NR6A1: variants seen among roughly 807,000 people sequenced by gnomAD.
NR6A1 encodes nuclear receptor subfamily 6 group A member 1, also known as retinoic acid receptor-related testis-associated receptor.
In NR6A1, 7 loss-of-function variants were observed where a neutral mutation model predicts 59.1. The ratio of observed to expected loss-of-function variants is 0.12; its 90% CI spans 0.07 to 0.22. NR6A1 has a LOEUF of 0.22. NR6A1 is among the 10% of genes least tolerant of loss of function. The pLI is 1.00. For missense variants in NR6A1, 468 were observed against 611.6 expected (o/e 0.77, Z 2.48); for synonymous variants, 243 against 236.1 (o/e 1.03, Z -0.27).
At chr9:124,631,008 A>G (rs565246486) in intron 2 of NR6A1, among the ~76,000 whole-genome samples, 134 of 152,288 alleles carry the variant, frequency 8.8e-4, no homozygotes, top group Non-Finnish European at 1.4e-3. Flanking sequence ...CTCACATAAA[A>G]TAAGAATACC....
chr9:124,544,388 G>T (rs1195176819), intron 3 of NR6A1, among the ~76,000 whole-genome samples: 4 of 152,040 alleles, frequency 2.6e-5, no homozygotes, highest in Non-Finnish European at 1.5e-5. Context: ...CATTTACTAA[G>T]TATAAAAAGC....
At chr9:124,759,271 G>C (rs1300366710) in intron 1 of NR6A1, among the ~76,000 whole-genome samples, 9 of 152,142 alleles carry the variant, frequency 5.9e-5, no homozygotes, top group Non-Finnish European at 8.8e-5. Context: ...TTCCTAAACT[G>C]CATTCCCGAA....
intron 2 of NR6A1, among the ~76,000 whole-genome samples, chr9:124,581,492 T>C (rs1398913471): frequency 6.6e-6 from 1 of 152,042 alleles, no homozygotes; most frequent in Non-Finnish European, 1.5e-5. Context: ...CTCGGGAGGC[T>C]GACACAGGAG....
chr9:124,659,143 T>G (rs931220967), intron 2 of NR6A1, among the ~76,000 whole-genome samples: 1 of 152,182 alleles, frequency 6.6e-6, no homozygotes, highest in Non-Finnish European at 1.5e-5. Flanking sequence ...TTGTGCCGCC[T>G]GGGGCGGTGG....
At chr9:124,538,760 G>A (rs955412125) in intron 5 of NR6A1, among the ~76,000 whole-genome samples, 1 of 152,048 alleles carries the variant, frequency 6.6e-6, no homozygotes, top group Non-Finnish European at 1.5e-5. Flanking sequence ...CCCGGCATGT[G>A]GCAACAACCC....
chr9:124,757,852 T>A (rs566139767), intron 1 of NR6A1, among the ~76,000 whole-genome samples: 1 of 152,352 alleles, frequency 6.6e-6, no homozygotes, highest in African/African-American at 2.4e-5. Flanking sequence ...GGAGTCCTTA[T>A]CTATGCTCTG....
At chr9:124,664,818 C>T (rs914372546) in intron 2 of NR6A1, among the ~76,000 whole-genome samples, 2 of 151,864 alleles carry the variant, frequency 1.3e-5, no homozygotes, top group African/African-American at 4.8e-5. Flanking sequence ...ATATTACCTG[C>T]CTTCATGGAG....
chr9:124,740,342 C>G (rs975487394), intron 1 of NR6A1, among the ~76,000 whole-genome samples: 2 of 152,152 alleles, frequency 1.3e-5, no homozygotes, highest in Non-Finnish European at 2.9e-5. Context: ...AAGAAAAAGA[C>G]TGGTTTCAAA....
At chr9:124,745,426 C>T (rs1249493807) in intron 1 of NR6A1, among the ~76,000 whole-genome samples, 1 of 152,164 alleles carries the variant, frequency 6.6e-6, no homozygotes, top group Non-Finnish European at 1.5e-5. Flanking sequence ...AATCCCAGCA[C>T]TTTGGGAGGC....
intron 2 of NR6A1, 103 bp from the exon 3 acceptor site, chr9:124,554,673 C>G: frequency 6.8e-7 from 1 of 1,479,366 alleles, no homozygotes. Flanking sequence ...ACCACTATCT[C>G]CAGGCTAAAG....
At chr9:124,584,665 A>G (rs1161026076) in intron 2 of NR6A1, among the ~76,000 whole-genome samples, 1 of 152,122 alleles carries the variant, frequency 6.6e-6, no homozygotes, top group Non-Finnish European at 1.5e-5. Context: ...AAAATGTTGT[A>G]TGTGTTCTGA....
In NR6A1 at chr9:124,694,589, T is replaced by A. The variant is rs185308653; in HGVS notation, c.142+38719A>T. ...GATGTACATTTTTCTTAACAAAAAA[T>A]TTAAATGTAGTATCAACTCTCTAAA... On this transcript the variant is annotated intron_variant, in intron 2 of 9. Coordinates refer to ENST00000487099, the MANE Select transcript of NR6A1 (RefSeq NM_033334.4). Among the ~76,000 whole-genome samples the A allele has an allele frequency of 2.1e-4, 32 of 152,306 alleles. No individual in the cohort carries two copies. In the East Asian group the frequency reaches 5.6e-3, roughly 27 times the overall value.
chr9:124,698,044 A>T (rs567062985), intron 2 of NR6A1, among the ~76,000 whole-genome samples: 7 of 152,212 alleles, frequency 4.6e-5, no homozygotes, highest in Non-Finnish European at 8.8e-5. Context: ...GGAGACAAAA[A>T]GCAGACAGGA....
chr9:124,721,316 G>C (rs1046731526), intron 2 of NR6A1, among the ~76,000 whole-genome samples: 2 of 152,152 alleles, frequency 1.3e-5, no homozygotes, highest in African/African-American at 4.8e-5. Flanking sequence ...AGGTCAAGGG[G>C]ATGAGAGTTC....
intron 2 of NR6A1, among the ~76,000 whole-genome samples, chr9:124,689,047 A>G (rs75085946): frequency 0.01 from 1,568 of 152,332 alleles, 25 homozygotes; most frequent in African/African-American, 0.036. Flanking sequence ...TAAAACACAT[A>G]TATGTACACA....
chr9:124,590,248 T>TA (rs1473623026), intron 2 of NR6A1, among the ~76,000 whole-genome samples: 1 of 152,012 alleles, frequency 6.6e-6, no homozygotes, highest in Non-Finnish European at 1.5e-5. Context: ...TTCAGGCCTC[T>TA]AATTTTACCA....
At chr9:124,717,621 T>TA (rs1387309761) in intron 2 of NR6A1, among the ~76,000 whole-genome samples, 1 of 152,268 alleles carries the variant, frequency 6.6e-6, no homozygotes, top group Non-Finnish European at 1.5e-5. Flanking sequence ...AAATGTTCTG[T>TA]ATCTTGATAG....
chr9:124,694,466 C>T (rs189127742), intron 2 of NR6A1, among the ~76,000 whole-genome samples: 2 of 152,242 alleles, frequency 1.3e-5, no homozygotes, highest in East Asian at 3.9e-4. Context: ...TTCAGATGTA[C>T]ATCAATATTC....
chr9:124,708,709 T>C (rs1839199173), intron 2 of NR6A1, among the ~76,000 whole-genome samples: 1 of 152,204 alleles, frequency 6.6e-6, no homozygotes, highest in South Asian at 2.1e-4. Context: ...TCCATGTGTA[T>C]ATATAAGCTG....
Sources: allele counts gnomAD v4.1 joint callset (sites outside exome capture counted in the v4.1 genomes callset), GRCh38; gene constraint gnomAD v4.1.1; transcripts MANE v1.5; gene names NCBI Gene and HGNC (gene_info 2026-07-23, HGNC 2026-07-21).